Variants in AP1G2 observed in about 807,000 individuals in gnomAD.
The protein encoded by AP1G2 is adaptor related protein complex 1 subunit gamma 2, also known as AP-1 complex subunit gamma-like 2.
In AP1G2, 85 loss-of-function variants were observed where a neutral mutation model predicts 95.8. The ratio of observed to expected loss-of-function variants is 0.89; its 90% CI spans 0.74 to 1.06. The LOEUF is 1.06. Among genes scored for constraint, AP1G2 ranks in the 50% least tolerant of loss-of-function variants. AP1G2 has a pLI of 0.00. For synonymous variants in AP1G2, 378 were observed against 400.0 expected, an observed-to-expected ratio of 0.94 and a Z score of 0.66; for missense variants, 967 against 1,005.8, an observed-to-expected ratio of 0.96 and a Z score of 0.52.
Position 23,563,380 on chromosome 14 carries a change from C to G in AP1G2, c.1410G>C (p.Gln470His). Residue 470 changes from glutamine to histidine, a missense_variant and splice_region_variant, in exon 14 of 22, where the codon CAG becomes CAC. Transcript: ENST00000397120. The part of the protein sequence containing the change: ...LYNALAEDIS[Q>H]QPLVQVAAWC... Reference sequence around the variant, plus strand: ...GGGCCTAGGTAGGTGGGAATGGTACCTGGGAAATGTCTTCTGCCAGGGCAT... The same window carrying G: ...GGGCCTAGGTAGGTGGGAATGGTACGTGGGAAATGTCTTCTGCCAGGGCAT... 5.7e-6 allele frequency: 9 copies of G among 1,588,112 alleles called. No homozygotes were observed. The highest frequency in any genetic ancestry group is 6.8e-6 in the Non-Finnish European group (8 of 1,167,940).
chr14:23,565,442 C>T, intron 7 of AP1G2, 164 bp downstream of exon 7: 2 of 741,562 alleles, frequency 2.7e-6, no homozygotes, highest in Non-Finnish European at 4.4e-6. Context: ...TAGGCATTCC[C>T]TCTCCCCTCA....
rs762215514 is a variant in AP1G2, at chr14:23,565,107, C to T, written c.822+12G>A. ...AAGCAACACAGCTAACCAGTGCCCT[C>T]CCAGGCCCCACCTGGGCCAGCAAGT... On this transcript the variant is annotated intron_variant, in intron 8 of 21. Coordinates refer to ENST00000397120, the MANE Select transcript of AP1G2 (RefSeq NM_003917.5). 1.2e-6 allele frequency: 2 copies of T among 1,614,026 alleles called. No homozygotes were observed. Among genetic ancestry groups the T allele is most frequent in the South Asian group, 1.1e-5 (1 of 91,084 alleles).
At chr14:23,566,479 C>T (rs201742180) in intron 3 of AP1G2, 60 bp from the exon 4 acceptor site, 67 of 1,606,652 alleles carry the variant, frequency 4.2e-5, no homozygotes, top group African/African-American at 1.3e-5. Context: ...TTTTCAATAC[C>T]CACAACAGGC....
In AP1G2 at chr14:23,565,858, C is replaced by G. The variant is rs1333686095; in HGVS notation, c.603G>C (p.Glu201Asp). 1 of 1,577,772 alleles carries G rather than the reference C, an allele frequency of 6.3e-7. No individual in the cohort carries two copies. The highest frequency in any genetic ancestry group is 8.6e-7 in the Non-Finnish European group (1 of 1,162,416). ...GGGCTGCAGGGCTTCGTTCGCAGAG[C>G]TCCGTGATCAGCGTGATGGTGCCCA... ...ILLGTITLIT[E>D]LCERSPAALR... is the part of the protein sequence containing the mutation. Residue 201 changes from glutamate (E) to aspartate (D), a missense_variant, in exon 6 of 22, where the codon GAG becomes GAC. By Grantham distance (45) the Glu-to-Asp change is conservative (BLOSUM62 2). Transcript: ENST00000397120.
At chr14:23,563,937 C>A in intron 11 of AP1G2, 81 bp from the exon 12 acceptor site, 1 of 1,599,860 alleles carries the variant, frequency 6.3e-7, no homozygotes, top group South Asian at 1.1e-5. Context: ...CCCCAGGGAC[C>A]TGTCCCCCTT....
chr14:23,567,220 C>T lies in AP1G2; in HGVS notation c.95G>A (p.Cys32Tyr). The change falls in exon 2 of 22, where the codon TGT (cysteine) becomes TAT (tyrosine). Residue 32 changes from cysteine (C) to tyrosine (Y), a missense_variant. By Grantham distance (194) the Cys-to-Tyr change is radical. Transcript: ENST00000397120. The surrounding 1 kb of genome is among the most constrained non-coding windows in gnomAD (Gnocchi z 5.3). The stretch of plus-strand genomic sequence containing the variant: ...GCGGAAGGAGGCCCGGATGTGGGCA[C>T]ACTCCTTTTGGATCACCTCCCGCTC... Reference protein sequence around the residue: ...AQEREVIQKECAHIRASFRDG... With the variant: ...AQEREVIQKEYAHIRASFRDG... 6 of 1,613,106 alleles carry T rather than the reference C, an allele frequency of 3.7e-6. No homozygotes were observed. Among genetic ancestry groups the T allele is most frequent in the Non-Finnish European group, 5.1e-6 (6 of 1,179,482 alleles).
chr14:23,563,652 G>A lies in AP1G2; in HGVS notation c.1233-14C>T. ...GTTGGAGCAAACCTAGGGGATATAT[G>A]GCTCATCAGTCCTGGTACTGACGCT... On this transcript the variant is annotated splice_polypyrimidine_tract_variant and intron_variant, in intron 12 of 21. Transcript: ENST00000397120. 13 of 1,614,174 alleles carry A rather than the reference G, an allele frequency of 8.1e-6. No individual in the cohort carries two copies. The highest frequency in any genetic ancestry group is 1.1e-5 in the Non-Finnish European group (13 of 1,180,024).
rs375067563 is a variant in AP1G2, at chr14:23,566,375, C to T, written c.374G>A (p.Cys125Tyr). The change falls in exon 4 of 22, where the codon TGC becomes TAC. Residue 125 changes from cysteine to tyrosine, a missense_variant. By Grantham distance (194) the Cys-to-Tyr change is radical (BLOSUM62 -2). Coordinates refer to ENST00000397120, the MANE Select transcript of AP1G2 (RefSeq NM_003917.5). ...AGCAGAGCCCATGGTGCTCAAAGTG[C>T]ACAAGGCCAGGCCTTGTACTGGCTG... ...GIQPVQGLAL[C>Y]TLSTMGSAEM... The T allele has an allele frequency of 3.8e-5, 61 of 1,613,916 alleles. No homozygotes were observed. The highest frequency in any genetic ancestry group is 8.0e-5 in the African/African-American group (6 of 74,934).
chr14:23,564,032 C>G lies in AP1G2; in HGVS notation c.1091+14G>C. 1.9e-6 allele frequency: 3 copies of G among 1,613,844 alleles called. No homozygotes were observed. The highest frequency in any genetic ancestry group is 2.5e-6 in the Non-Finnish European group (3 of 1,179,994). ...CCTCTGCCCTGCCCTCCTGTCCCCT[C>G]TATCACTGCTCACCGGCTGAGGGAG... On this transcript the variant is annotated intron_variant, in intron 11 of 21. Coordinates refer to ENST00000397120, the MANE Select transcript of AP1G2 (RefSeq NM_003917.5).
At chr14:23,560,514 T>TGCACTACTCGAAAG in intron 19 of AP1G2, 96 bp from the exon 20 acceptor site, 1 of 1,290,910 alleles carries the variant, frequency 7.7e-7, no homozygotes, top group Non-Finnish European at 1.1e-6. Context: ...CTACTGGCCC[T>TGCACTACTCGAAAG]GCACTACTCG....
At position 23,564,036 on chromosome 14, in the gene AP1G2, C is replaced by T. The variant is rs1469218103; in HGVS notation, c.1091+10G>A. ...TGCCCTGCCCTCCTGTCCCCTCTAT[C>T]ACTGCTCACCGGCTGAGGGAGGCAT... On this transcript the variant is annotated intron_variant, in intron 11 of 21. Transcript: ENST00000397120. The T allele has an allele frequency of 6.2e-7, 1 of 1,613,758 alleles. No homozygotes were observed. The highest frequency in any genetic ancestry group is 8.5e-7 in the Non-Finnish European group (1 of 1,179,990).
intron 2 of AP1G2, 143 bp downstream of exon 2, chr14:23,566,967 TG>T: frequency 1.0e-6 from 1 of 999,646 alleles, no homozygotes; most frequent in Non-Finnish European, 1.4e-6. Context: ...GGGGTAGCAA[TG>T]GGGAAAGAGG....
chr14:23,561,862 G>A (rs1409249184), intron 17 of AP1G2, 100 bp downstream of exon 17: 6 of 1,496,054 alleles, frequency 4.0e-6, no homozygotes, highest in Non-Finnish European at 5.4e-6. Flanking sequence ...CCGTGGATAT[G>A]GAAGAACACA....
In AP1G2 at chr14:23,563,644, G is replaced by A. The variant is rs757116190; in HGVS notation, c.1233-6C>T. The stretch of plus-strand genomic sequence containing the variant: ...AGCGTTTGGTTGGAGCAAACCTAGG[G>A]GATATATGGCTCATCAGTCCTGGTA... On this transcript the variant is annotated splice_polypyrimidine_tract_variant and splice_region_variant and intron_variant, in intron 12 of 21. Transcript: ENST00000397120. 3.1e-6 allele frequency: 5 copies of A among 1,614,028 alleles called. No homozygotes were observed. In the African/African-American group the frequency reaches 6.7e-5, roughly 22 times the overall value.
chr14:23,567,512 A>G lies in AP1G2; in HGVS notation c.-5-193T>C. On this transcript the variant is annotated intron_variant, in intron 1 of 21. Transcript: ENST00000397120. The surrounding 1 kb of genome is among the most constrained non-coding windows in gnomAD (Gnocchi z 5.3). The stretch of plus-strand genomic sequence containing the variant: ...CCACCGCCCGAGAAGCCCACTACGC[A>G]TGCGTCCGCACCCCACCGGCGCCCC... The G allele has an allele frequency of 5.8e-6, 8 of 1,376,394 alleles. No homozygotes were observed. The highest frequency in any genetic ancestry group is 7.5e-6 in the Non-Finnish European group (8 of 1,073,442). The allele number at this position is 1,376,394 out of a possible 1,614,324, so 85.3% of individuals were successfully genotyped here. A position where few individuals can be genotyped will look rare whatever the true frequency, so the allele number is the denominator to read the frequency against.
At chr14:23,564,007 C>T in intron 11 of AP1G2, 39 bp downstream of exon 11, 1 of 1,611,790 alleles carries the variant, frequency 6.2e-7, no homozygotes, top group Non-Finnish European at 8.5e-7. Context: ...GCACTGGGAA[C>T]CTCTGCCCTG....
Position 23,564,866 on chromosome 14 carries a change from T to TC in AP1G2, c.823-207dup, listed in dbSNP as rs1394836667. The TC allele has an allele frequency of 7.9e-6, 5 of 630,306 alleles. No individual in the cohort carries two copies. In the East Asian group the frequency reaches 8.2e-5, roughly 10 times the overall value. 39.0% of individuals were successfully genotyped at this position (630,306 alleles called of 1,614,324 possible). ...GTAATCCTCAGGATTCTTGAAGGACTCCAACATGTTATCTGTCCATCCTTC... is the reference window on the plus strand; with the variant it reads ...GTAATCCTCAGGATTCTTGAAGGACTCCCAACATGTTATCTGTCCATCCTTC... On this transcript the variant is annotated intron_variant, in intron 8 of 21. Transcript: ENST00000397120.
intron 7 of AP1G2, 75 bp from the exon 8 acceptor site, chr14:23,565,274 A>G: frequency 6.8e-7 from 1 of 1,464,296 alleles, no homozygotes; most frequent in Non-Finnish European, 9.4e-7. Context: ...AGAAAACTCC[A>G]ACATGTGAGG....
chr14:23,562,036 C>T lies in AP1G2; in HGVS notation c.1659G>A (p.Gly553=). ...NRIRQVVSIY[G]SCLDVELQQR... ...GCTGCAGCTCCACGTCCAAGCAGCT[C>T]CCGTAGATGGACACCACCTGGCGGA... The change falls in exon 17 of 22, where the codon GGG becomes GGA. Residue 553 remains glycine (G), a synonymous_variant. Transcript: ENST00000397120. 1 of 1,613,768 alleles carries T rather than the reference C, an allele frequency of 6.2e-7. No homozygotes were observed. Among genetic ancestry groups the T allele is most frequent in the Admixed American group, 1.7e-5 (1 of 59,986 alleles).
Sources: allele counts gnomAD v4.1 joint callset, GRCh38; gene constraint gnomAD v4.1.1; non-coding constraint Gnocchi (gnomAD v3.1); transcripts MANE v1.5; gene names NCBI Gene and HGNC (gene_info 2026-07-23, HGNC 2026-07-21).